The following CDYL variants were observed in gnomAD, a reference collection of about 807,000 sequenced individuals.
CDYL encodes the protein chromodomain Y-like protein.
Under a neutral mutation model 47.3 loss-of-function variants are expected in CDYL, and 8 were observed. That is an observed-to-expected ratio of 0.17 (90% confidence interval 0.10 to 0.31). The LOEUF (loss-of-function observed/expected upper bound fraction) is 0.31. Ranked by LOEUF, CDYL falls within the 10% of genes least tolerant of loss-of-function variation. The probability of loss-of-function intolerance (pLI) is 1.00; values close to 1 mark genes in which losing one functional copy is unlikely to be tolerated. For missense variants in CDYL, 471 were observed against 701.4 expected (o/e 0.67, Z 3.71); for synonymous variants, 266 against 265.0 (o/e 1.00, Z -0.04).
At chr6:4,923,743 T>A (rs74764944) in intron 2 of CDYL, among the ~76,000 whole-genome samples, 7,705 of 152,090 alleles carry the variant, frequency 0.051, 367 homozygotes, top group African/African-American at 0.12. Flanking sequence ...AAAAAATATT[T>A]AAAAAAAATT....
At chr6:4,745,329 G>A (rs1757870064) in intron 3 of CDYL, among the ~76,000 whole-genome samples, 1 of 152,172 alleles carries the variant, frequency 6.6e-6, no homozygotes, top group Non-Finnish European at 1.5e-5. Context: ...CAAAAAGGGG[G>A]AAAGAAAGAG....
intron 1 of CDYL, among the ~76,000 whole-genome samples, chr6:4,811,342 C>G (rs1457552415): frequency 6.6e-6 from 1 of 152,130 alleles, no homozygotes; most frequent in Non-Finnish European, 1.5e-5. Flanking sequence ...AAACAGAGCA[C>G]CTGACTTAAA....
intron 3 of CDYL, among the ~76,000 whole-genome samples, chr6:4,763,632 A>G (rs145033413): frequency 6.6e-6 from 1 of 152,318 alleles, no homozygotes; most frequent in East Asian, 1.9e-4. Flanking sequence ...GGTAATAAGG[A>G]GAAAAATAAT....
intron 1 of CDYL, among the ~76,000 whole-genome samples, chr6:4,801,226 T>C (rs1287900067): frequency 6.6e-6 from 1 of 152,244 alleles, no homozygotes; most frequent in Non-Finnish European, 1.5e-5. Context: ...GGTTTCATTT[T>C]TCTCCCTTGA....
intron 1 of CDYL, among the ~76,000 whole-genome samples, chr6:4,823,925 A>G (rs1400307940): frequency 2.0e-5 from 3 of 152,180 alleles, no homozygotes; most frequent in East Asian, 3.8e-4. Flanking sequence ...TCTCTATTCT[A>G]CTTTCTGCCT....
At chr6:4,951,497 A>T (rs1758703451) in intron 5 of CDYL, among the ~76,000 whole-genome samples, 1 of 152,094 alleles carries the variant, frequency 6.6e-6, no homozygotes, top group Non-Finnish European at 1.5e-5. Flanking sequence ...GGACAAGGTT[A>T]AAATTAATTT....
chr6:4,887,418 G>GT (rs917706573), intron 1 of CDYL, among the ~76,000 whole-genome samples: 10 of 150,806 alleles, frequency 6.6e-5, no homozygotes, highest in South Asian at 2.1e-4. Flanking sequence ...TTTTATTCCT[G>GT]TTTTTTTTCT....
chr6:4,924,680 A>G (rs1333507552), intron 2 of CDYL, among the ~76,000 whole-genome samples: 1 of 152,176 alleles, frequency 6.6e-6, no homozygotes, highest in East Asian at 1.9e-4. Context: ...GCTGTGAATA[A>G]ATTTTTTCTC....
At chr6:4,812,371 C>G (rs1258600384) in intron 1 of CDYL, among the ~76,000 whole-genome samples, 1 of 152,086 alleles carries the variant, frequency 6.6e-6, no homozygotes, top group Admixed American at 6.6e-5. Context: ...TTTGGGATGT[C>G]CGGTGTAGCG....
rs534223920 is a variant in CDYL, at chr6:4,847,654, CT to C, written c.25-44056del. On this transcript the variant is annotated intron_variant, in intron 1 of 6. Coordinates refer to ENST00000397588, the MANE Select transcript of CDYL (RefSeq NM_004824.4). ...CTTCATTGTATGTATCAAGTTCTGC[CT>C]TTAAAACTTCAGTTTTCTCCAGGAT... is the stretch of plus-strand genomic sequence containing the variant. 2.6e-4 allele frequency among the ~76,000 whole-genome samples: 40 copies of C among 152,270 alleles called. No homozygotes were observed. The South Asian group carries it at 7.9e-3, about 30-fold the overall frequency.
intron 1 of CDYL, among the ~76,000 whole-genome samples, chr6:4,857,878 A>G (rs1265484773): frequency 6.6e-6 from 1 of 151,728 alleles, no homozygotes; most frequent in Non-Finnish European, 1.5e-5. Context: ...TTTTGCCCAT[A>G]CTCACTTCTC....
intron 1 of CDYL, among the ~76,000 whole-genome samples, chr6:4,875,013 G>T (rs1163316842): frequency 6.6e-6 from 1 of 152,072 alleles, no homozygotes; most frequent in South Asian, 2.1e-4. Context: ...TCTTGCGTGG[G>T]TCTTTCTGTG....
rs150926278 is a variant in CDYL, at chr6:4,892,250, G to A, written c.562G>A (p.Gly188Arg). 1.7e-5 allele frequency: 28 copies of A among 1,614,208 alleles called. No homozygotes were observed. The highest frequency in any genetic ancestry group is 8.9e-5 in the East Asian group (4 of 44,884). The change falls in exon 2 of 7, where the codon GGA becomes AGA. Residue 188 changes from glycine to arginine, a missense_variant. This residue lies in a region of CDYL where 311 missense variants were observed against 350.0 expected (regional missense o/e 0.89). Coordinates refer to ENST00000397588, the MANE Select transcript of CDYL (RefSeq NM_004824.4). ...CGAAGTGGCAGCGGAAAAGCCGGTC[G>A]GAGCTTTATTGGGCCCCGGTGCCGA... ...APEVAAEKPV[G>R]ALLGPGAERA...
At chr6:4,918,761 G>A (rs906243611) in intron 2 of CDYL, among the ~76,000 whole-genome samples, 1 of 152,146 alleles carries the variant, frequency 6.6e-6, no homozygotes, top group Non-Finnish European at 1.5e-5. Flanking sequence ...TGTAGGGATC[G>A]CTTTGAAACT....
At chr6:4,722,470 A>C (rs1757389193) in intron 2 of CDYL, among the ~76,000 whole-genome samples, 1 of 152,256 alleles carries the variant, frequency 6.6e-6, no homozygotes, top group African/African-American at 2.4e-5. Flanking sequence ...AAAGATAAGA[A>C]AATGTTCGTC....
intron 3 of CDYL, among the ~76,000 whole-genome samples, chr6:4,756,390 G>A (rs1357469170): frequency 1.3e-5 from 2 of 152,020 alleles, no homozygotes; most frequent in African/African-American, 4.8e-5. Context: ...TGCTCACTCA[G>A]CCTTGCCTCT....
intron 3 of CDYL, among the ~76,000 whole-genome samples, chr6:4,745,380 T>A (rs1757871123): frequency 6.6e-6 from 1 of 152,004 alleles, no homozygotes; most frequent in African/African-American, 2.4e-5. Context: ...CAAGTATGAT[T>A]TGAAGACCTT....
chr6:4,952,122 C>T (rs1302979544), intron 5 of CDYL, 144 bp from the exon 6 acceptor site: 1 of 847,146 alleles, frequency 1.2e-6, no homozygotes, highest in Non-Finnish European at 1.8e-6. Flanking sequence ...GGGTCTGTTC[C>T]CAGCGGCCCC....
intron 1 of CDYL, among the ~76,000 whole-genome samples, chr6:4,711,685 G>A (rs1245594161): frequency 6.6e-6 from 1 of 152,146 alleles, no homozygotes; most frequent in African/African-American, 2.4e-5. Context: ...TGTCTTCTGG[G>A]TTAAACAGAG....
Sources: allele counts gnomAD v4.1 joint callset (sites outside exome capture counted in the v4.1 genomes callset), GRCh38; gene constraint gnomAD v4.1.1; regional missense constraint gnomAD v4.1.1; transcripts MANE v1.5; gene names NCBI Gene and HGNC (gene_info 2026-07-23, HGNC 2026-07-21).